The following NTNG1 variants were observed in gnomAD, a reference collection of about 807,000 sequenced individuals.
NTNG1 encodes the protein netrin G1.
In NTNG1, 16 loss-of-function variants were observed where a neutral mutation model predicts 54.0. That is an observed-to-expected ratio of 0.30 (90% CI 0.20 to 0.45). The LOEUF (loss-of-function observed/expected upper bound fraction) is 0.45. NTNG1 is among the 20% of genes least tolerant of loss of function. The pLI is 1.00. For missense variants in NTNG1, 530 were observed against 678.7 expected, an observed-to-expected ratio of 0.78 and a Z score of 2.43; for synonymous variants, 255 against 263.1, an observed-to-expected ratio of 0.97 and a Z score of 0.30.
chr1:107,305,358 G>A (rs1666619632), intron 2 of NTNG1, among the ~76,000 whole-genome samples: 1 of 152,212 alleles, frequency 6.6e-6, no homozygotes, highest in African/African-American at 2.4e-5. Flanking sequence ...CACCAACAGT[G>A]TAATAGCCTT....
intron 2 of NTNG1, among the ~76,000 whole-genome samples, chr1:107,199,071 GA>G (rs1296479712): frequency 6.6e-6 from 1 of 151,292 alleles, no homozygotes; most frequent in Non-Finnish European, 1.5e-5. Flanking sequence ...TTCTCACTTT[GA>G]AAAGTTGAAA....
At chr1:107,445,980 G>A (rs1053716742) in intron 7 of NTNG1, among the ~76,000 whole-genome samples, 1 of 152,090 alleles carries the variant, frequency 6.6e-6, no homozygotes, top group African/African-American at 2.4e-5. Flanking sequence ...GAAGCAGGCT[G>A]GATTTGGCTT....
chr1:107,362,881 G>A (rs1316515359), intron 3 of NTNG1, among the ~76,000 whole-genome samples: 2 of 151,912 alleles, frequency 1.3e-5, no homozygotes, highest in African/African-American at 4.8e-5. Flanking sequence ...TTTTATTTTG[G>A]CTGATTACTT....
At chr1:107,476,795 T>G (rs2101604960) in intron 7 of NTNG1, among the ~76,000 whole-genome samples, 2 of 152,302 alleles carry the variant, frequency 1.3e-5, no homozygotes, top group Middle Eastern at 6.8e-3. Flanking sequence ...CATTCCTTAT[T>G]ACTAAACTCC....
chr1:107,262,296 C>A (rs1349889174), intron 2 of NTNG1, among the ~76,000 whole-genome samples: 1 of 152,108 alleles, frequency 6.6e-6, no homozygotes, highest in Admixed American at 6.5e-5. Flanking sequence ...AGGTTCACTA[C>A]TTAGGGAGGC....
At chr1:107,463,161 A>G (rs1041608631) in intron 7 of NTNG1, among the ~76,000 whole-genome samples, 6 of 152,182 alleles carry the variant, frequency 3.9e-5, no homozygotes, top group Non-Finnish European at 5.9e-5. Context: ...TTCCTAGTCT[A>G]GTTAGTATGT....
intron 3 of NTNG1, among the ~76,000 whole-genome samples, chr1:107,387,970 C>T (rs200860133): frequency 6.6e-6 from 1 of 152,076 alleles, no homozygotes; most frequent in African/African-American, 2.4e-5. Flanking sequence ...GTGTCCCTAC[C>T]CTACTTTGTT....
chr1:107,250,464 T>G (rs1036510171), intron 2 of NTNG1, among the ~76,000 whole-genome samples: 8 of 152,154 alleles, frequency 5.3e-5, no homozygotes, highest in African/African-American at 1.9e-4. Flanking sequence ...GTGTTTGGTT[T>G]TCTGTTCCTG....
intron 3 of NTNG1, among the ~76,000 whole-genome samples, chr1:107,383,749 A>G (rs1278033399): frequency 6.6e-6 from 1 of 152,204 alleles, no homozygotes; most frequent in Non-Finnish European, 1.5e-5. Context: ...CCAAGCTCTT[A>G]ACACTATGTT....
intron 3 of NTNG1, among the ~76,000 whole-genome samples, chr1:107,369,278 G>A (rs913308218): frequency 3.3e-5 from 5 of 152,084 alleles, no homozygotes; most frequent in African/African-American, 4.8e-5. Context: ...TAGAATGGCC[G>A]AATCATATGG....
rs1318954820 is a variant in NTNG1, at chr1:107,346,930, G to T, written c.887+22008G>T. Among the ~76,000 whole-genome samples, 7 of 149,826 alleles carry T rather than the reference G, an allele frequency of 4.7e-5. No homozygotes were observed. In the East Asian group the frequency reaches 1.4e-3, roughly 29 times the overall value. ...AAAAATGAAAAATCCTTTTTGTGGGGACATGTGCTGACCCAGGAAAACAGT... is the reference window on the plus strand; with the variant it reads ...AAAAATGAAAAATCCTTTTTGTGGGTACATGTGCTGACCCAGGAAAACAGT... On this transcript the variant is annotated intron_variant, in intron 3 of 7. Transcript: ENST00000370068.
In NTNG1 at chr1:107,185,828, G is replaced by A. The variant is rs140176725; in HGVS notation, c.246+36989G>A. ...GGCATTGTGTTCATTTTTTAAAAAT[G>A]CAGTCTACCACATCCTTATCCAGTC... On this transcript the variant is annotated intron_variant, in intron 2 of 7. Coordinates refer to ENST00000370068, the MANE Select transcript of NTNG1 (RefSeq NM_001113226.3). 5.4e-3 allele frequency among the ~76,000 whole-genome samples: 815 copies of A among 151,982 alleles called. 8 individuals are homozygous for A. Among genetic ancestry groups the A allele is most frequent in the African/African-American group, 0.019 (776 of 41,428 alleles).
At chr1:107,321,632 C>T (rs751063846) in intron 2 of NTNG1, among the ~76,000 whole-genome samples, 5 of 152,044 alleles carry the variant, frequency 3.3e-5, no homozygotes, top group Admixed American at 6.6e-5. Flanking sequence ...AAAGAGACTC[C>T]GTGGTCACAT....
intron 7 of NTNG1, among the ~76,000 whole-genome samples, chr1:107,472,360 A>T (rs569535572): frequency 6.6e-6 from 1 of 152,230 alleles, no homozygotes; most frequent in African/African-American, 2.4e-5. Context: ...AAAAATATTC[A>T]TGCAAATCAT....
At chr1:107,480,588 C>CCAACAA in intron 7 of NTNG1, 23 bp from the exon 8 acceptor site, 5 of 1,119,754 alleles carry the variant, frequency 4.5e-6, no homozygotes, top group South Asian at 1.5e-5. Flanking sequence ...CCACCCACCC[C>CCAACAA]TACCTTCCCC....
At chr1:107,405,649 G>A (rs1174707657) in intron 4 of NTNG1, among the ~76,000 whole-genome samples, 1 of 152,044 alleles carries the variant, frequency 6.6e-6, no homozygotes, top group Non-Finnish European at 1.5e-5. Context: ...TGAGATCTCT[G>A]CCTTGCATAA....
At chr1:107,181,370 T>A (rs768230108) in intron 2 of NTNG1, among the ~76,000 whole-genome samples, 1 of 152,182 alleles carries the variant, frequency 6.6e-6, no homozygotes. Context: ...AAAGAGGGTT[T>A]GTTTTCAATT....
chr1:107,450,367 A>C (rs949530686), intron 7 of NTNG1, among the ~76,000 whole-genome samples: 1 of 152,066 alleles, frequency 6.6e-6, no homozygotes, highest in Non-Finnish European at 1.5e-5. Context: ...CCACATCACT[A>C]TCCATGAGAA....
At chr1:107,266,913 C>T (rs908311733) in intron 2 of NTNG1, among the ~76,000 whole-genome samples, 2 of 152,122 alleles carry the variant, frequency 1.3e-5, no homozygotes, top group Non-Finnish European at 2.9e-5. Flanking sequence ...GTCTCATGTA[C>T]AGATTTCTTT....
Sources: gnomAD v4.1 joint callset for allele counts (sites outside exome capture counted in the v4.1 genomes callset) on GRCh38, gnomAD v4.1.1 for gene constraint, MANE v1.5 for transcripts, NCBI Gene and HGNC (gene_info 2026-07-23, HGNC 2026-07-21) for gene names.